Variants in BTAF1 observed in about 807,000 individuals in gnomAD.
BTAF1 encodes the protein B-TFIID TATA-box binding protein associated factor 1, also known as TATA-binding protein-associated factor 172.
In BTAF1, 38 loss-of-function variants were observed where a neutral mutation model predicts 227.1. The ratio of observed to expected loss-of-function variants is 0.17; its 90% CI spans 0.13 to 0.22. The LOEUF is 0.22. Among genes scored for constraint, BTAF1 ranks in the 10% least tolerant of loss-of-function variants. The pLI is 1.00. For synonymous variants in BTAF1, 742 were observed against 751.9 expected (o/e 0.99, Z 0.21); for missense variants, 1,598 against 2,204.0 (o/e 0.73, Z 5.51).
intron 20 of BTAF1, 45 bp downstream of exon 20, chr10:91,989,625 A>C (rs1848614282): frequency 3.3e-6 from 5 of 1,506,250 alleles, no homozygotes; most frequent in Non-Finnish European, 4.4e-6. Context: ...TAACCTTTTA[A>C]ATTTGTTTTT....
At position 91,943,335 on chromosome 10, in the gene BTAF1, C is replaced by T. The variant is rs1034535368; in HGVS notation, c.400+767C>T. On this transcript the variant is annotated intron_variant, in intron 4 of 37. Transcript: ENST00000265990. ...TCTCAAAATAAGAAGAAAAAAATAC[C>T]GGATAGGTATTGTCCTAATATTTTT... 1.5e-4 allele frequency among the ~76,000 whole-genome samples: 23 copies of T among 152,070 alleles called. No individual in the cohort carries two copies. In the East Asian group the frequency reaches 3.7e-3, roughly 24 times the overall value.
intron 33 of BTAF1, among the ~76,000 whole-genome samples, chr10:92,017,350 CCTCATATGCT>C (rs1850808870): frequency 1.3e-5 from 2 of 152,116 alleles, no homozygotes; most frequent in Non-Finnish European, 2.9e-5. Flanking sequence ...TCAGATCATG[CCTCATATGCT>C]TGAGAGAATA....
chr10:92,008,456 A>G (rs11186796), intron 26 of BTAF1, among the ~76,000 whole-genome samples, 181 bp downstream of exon 26: 59 of 149,326 alleles, frequency 4.0e-4, no homozygotes, highest in East Asian at 2.2e-3. Context: ...CCATCTTCCC[A>G]CCTCAGCCTC....
Position 91,947,372 on chromosome 10 carries a change from GT to G in BTAF1, c.401-4023del, listed in dbSNP as rs550605448. Among the ~76,000 whole-genome samples the G allele has an allele frequency of 3.3e-3, 506 of 151,814 alleles. 11 individuals carry two copies. The highest frequency in any genetic ancestry group is 0.012 in the African/African-American group (496 of 41,388). On this transcript the variant is annotated intron_variant, in intron 4 of 37. Coordinates refer to ENST00000265990, the MANE Select transcript of BTAF1 (RefSeq NM_003972.3). ...TTTTTAGTTATTTTATCGATTTTGA[GT>G]TTTTTTTGTATATGTTTTGAGGTTA...
rs535872864 is a variant in BTAF1, at chr10:92,029,879, A to T, written c.*946A>T. On this transcript the variant is annotated 3_prime_UTR_variant, in exon 38 of 38. Coordinates refer to ENST00000265990, the MANE Select transcript of BTAF1 (RefSeq NM_003972.3). ...CATATCTATATGCATAGATGTACCT[A>T]TCCTGCACCCAAAAAGGTGCCTGGT... The T allele has an allele frequency of 1.8e-4, 28 of 152,614 alleles. No individual in the cohort carries two copies. Among genetic ancestry groups the T allele is most frequent in the African/African-American group, 6.7e-4 (28 of 41,552 alleles). 9.5% of individuals were successfully genotyped at this position (152,614 alleles called of 1,614,324 possible). A position where few individuals can be genotyped will look rare whatever the true frequency, so the allele number is the denominator to read the frequency against.
intron 7 of BTAF1, among the ~76,000 whole-genome samples, 156 bp from the exon 8 acceptor site, chr10:91,957,069 T>A (rs1451749027): frequency 6.6e-6 from 1 of 152,228 alleles, no homozygotes; most frequent in African/African-American, 2.4e-5. Flanking sequence ...AGAGAAATTT[T>A]ATCAGTAAAA....
At chr10:92,018,659 C>T (rs888358619) in intron 33 of BTAF1, 124 bp from the exon 34 acceptor site, 14 of 835,184 alleles carry the variant, frequency 1.7e-5, no homozygotes, top group Non-Finnish European at 2.2e-5. Context: ...AGAAGTTTGC[C>T]GAGCAAGAAG....
intron 33 of BTAF1, among the ~76,000 whole-genome samples, chr10:92,018,109 A>T (rs1019518385): frequency 1.3e-5 from 2 of 151,998 alleles, no homozygotes; most frequent in African/African-American, 4.8e-5. Flanking sequence ...TTAAAGACTG[A>T]GTCTCGCTCT....
chr10:92,012,628 A>G (rs1040224448), intron 30 of BTAF1, among the ~76,000 whole-genome samples: 1 of 151,380 alleles, frequency 6.6e-6, no homozygotes, highest in South Asian at 2.1e-4. Flanking sequence ...AAAATTAGCC[A>G]GGCATGGTGA....
chr10:91,977,649 C>G (rs2133966006), intron 14 of BTAF1, among the ~76,000 whole-genome samples: 1 of 152,202 alleles, frequency 6.6e-6, no homozygotes, highest in Middle Eastern at 3.4e-3. Flanking sequence ...TGAGAAACTT[C>G]CAAAATAGCT....
At chr10:91,979,649 C>A (rs1847939638) in intron 14 of BTAF1, among the ~76,000 whole-genome samples, 1 of 152,128 alleles carries the variant, frequency 6.6e-6, no homozygotes, top group Non-Finnish European at 1.5e-5. Flanking sequence ...AGTAGAATTT[C>A]TCTGATGGAC....
chr10:91,997,853 A>G, intron 25 of BTAF1, 102 bp downstream of exon 25: 1 of 1,211,888 alleles, frequency 8.3e-7, no homozygotes. Context: ...TCATGCCTGT[A>G]ATCCCAGCAC....
intron 1 of BTAF1, among the ~76,000 whole-genome samples, chr10:91,927,198 G>A (rs1222653527): frequency 1.3e-5 from 2 of 151,266 alleles, no homozygotes; most frequent in South Asian, 4.2e-4. Flanking sequence ...GAGTGCAATG[G>A]TGCGTTCTTG....
At chr10:91,992,422 G>T (rs1258528799) in intron 21 of BTAF1, 113 bp downstream of exon 21, 3 of 1,060,276 alleles carry the variant, frequency 2.8e-6, no homozygotes, top group Non-Finnish European at 3.9e-6. Context: ...AAAGAAATGG[G>T]ATTAATTTTT....
At chr10:91,950,148 T>TGTTG (rs1554851556) in intron 4 of BTAF1, among the ~76,000 whole-genome samples, 5,575 of 23,778 alleles carry the variant, frequency 0.23, 580 homozygotes, top group Non-Finnish European at 0.4. Flanking sequence ...TTGTCCTTTG[T>TGTTG]GGGGGGGGGC....
At chr10:91,980,597 C>G in intron 15 of BTAF1, 39 bp downstream of exon 15, 2 of 1,522,714 alleles carry the variant, frequency 1.3e-6, no homozygotes, top group Non-Finnish European at 9.1e-7. Flanking sequence ...TTCCTAGTAA[C>G]TTTTGTAGAT....
rs199898943 is a variant in BTAF1, at chr10:91,989,599, A to G, written c.2854+19A>G. 1.4e-5 allele frequency: 22 copies of G among 1,551,696 alleles called. No homozygotes were observed. The highest frequency in any genetic ancestry group is 1.4e-5 in the Non-Finnish European group (16 of 1,153,130). On this transcript the variant is annotated intron_variant, in intron 20 of 37. Coordinates refer to ENST00000265990, the MANE Select transcript of BTAF1 (RefSeq NM_003972.3). ...TCTAAAGGTATATACCTAAACTTTT[A>G]TTTGGGGTAGAGAAATAACCTTTTA... is the stretch of plus-strand genomic sequence containing the variant.
intron 15 of BTAF1, among the ~76,000 whole-genome samples, chr10:91,980,832 T>C (rs1182511603): frequency 6.6e-6 from 1 of 152,190 alleles, no homozygotes; most frequent in Non-Finnish European, 1.5e-5. Flanking sequence ...GAGGAAAAGA[T>C]TGCTTTTCTC....
At chr10:91,992,830 C>G (rs1297632276) in intron 21 of BTAF1, among the ~76,000 whole-genome samples, 6 of 152,136 alleles carry the variant, frequency 3.9e-5, no homozygotes, top group Admixed American at 2.0e-4. Context: ...CATTATCTCC[C>G]ATTGGTCCAC....
Sources: gnomAD v4.1 joint callset for allele counts (sites outside exome capture counted in the v4.1 genomes callset) on GRCh38, gnomAD v4.1.1 for gene constraint, MANE v1.5 for transcripts, NCBI Gene and HGNC (gene_info 2026-07-23, HGNC 2026-07-21) for gene names.